KCTD1: variants seen among roughly 807,000 people sequenced by gnomAD.
The protein encoded by KCTD1 is potassium channel tetramerization domain containing 1, also known as BTB/POZ domain-containing protein KCTD1.
Under a neutral mutation model 66.0 loss-of-function variants are expected in KCTD1, and 24 were observed. The observed-to-expected ratio is 0.36, with a 90% CI of 0.26 to 0.51. The LOEUF (loss-of-function observed/expected upper bound fraction) is 0.51, where lower values mean the gene tolerates loss of function less well. KCTD1 is among the 20% of genes least tolerant of loss of function. The pLI is 0.95. For synonymous variants in KCTD1, 511 were observed against 517.2 expected, an observed-to-expected ratio of 0.99 and a Z score of 0.16; for missense variants, 943 against 1,205.2, an observed-to-expected ratio of 0.78 and a Z score of 3.22.
chr18:26,460,668 A>G (rs1396701089), intron 3 of KCTD1: 2 of 152,246 alleles, frequency 1.3e-5, no homozygotes, highest in East Asian at 1.9e-4. Context: ...AAGATGTGCA[A>G]TAAAGAAAAC....
chr18:26,647,657 A>G (rs1987955889), intron 1 of KCTD1, among the ~76,000 whole-genome samples: 1 of 151,432 alleles, frequency 6.6e-6, no homozygotes, highest in South Asian at 2.1e-4. Flanking sequence ...CTTAGACTCC[A>G]GATCCTAAAA....
At position 26,478,501 on chromosome 18, in the gene KCTD1, A is replaced by G. The variant is rs569602199; in HGVS notation, c.1989-1842T>C. On this transcript the variant is annotated intron_variant, in intron 2 of 4. Transcript: ENST00000580059. ...AAATCCAAGCACCTATACCGAAATA[A>G]GTCAGTATCAGTGATCTTGTCACTT... Among the ~76,000 whole-genome samples, 12 of 152,370 alleles carry G rather than the reference A, an allele frequency of 7.9e-5. No homozygotes were observed. The South Asian group carries it at 2.5e-3, about 32-fold the overall frequency.
At chr18:26,497,316 G>A (rs183610957) in intron 2 of KCTD1, among the ~76,000 whole-genome samples, 2 of 152,228 alleles carry the variant, frequency 1.3e-5, no homozygotes, top group African/African-American at 4.8e-5. Flanking sequence ...AGAGGTAGGT[G>A]AGGGTGGAAC....
chr18:26,530,609 G>A (rs1984389881), intron 1 of KCTD1, among the ~76,000 whole-genome samples: 1 of 152,190 alleles, frequency 6.6e-6, no homozygotes, highest in African/African-American at 2.4e-5. Context: ...GATTTATTTT[G>A]GGTGTATGTG....
chr18:26,630,676 T>C (rs887587761), upstream of KCTD1, among the ~76,000 whole-genome samples: 1 of 152,204 alleles, frequency 6.6e-6, no homozygotes, highest in Non-Finnish European at 1.5e-5. Context: ...GGAAAGTATG[T>C]ATAAAGTATT....
chr18:26,458,856 C>G (rs753174005), intron 4 of KCTD1: 1 of 152,262 alleles, frequency 6.6e-6, no homozygotes, highest in Non-Finnish European at 1.5e-5. Context: ...GCTGCCTGGT[C>G]TCCTTGTTTC....
chr18:26,595,219 C>G, intron 1 of KCTD1, among the ~76,000 whole-genome samples: 1 of 152,188 alleles, frequency 6.6e-6, no homozygotes, highest in East Asian at 1.9e-4. Flanking sequence ...CTACCCCATT[C>G]CTGTGATAGG....
chr18:26,614,148 T>A (rs1987196436), intron 1 of KCTD1, among the ~76,000 whole-genome samples: 1 of 152,260 alleles, frequency 6.6e-6, no homozygotes, highest in South Asian at 2.1e-4. Context: ...CTTCTCCTAG[T>A]CTAGTGTCTA....
chr18:26,549,538 C>T, upstream of KCTD1: 1 of 871,434 alleles, frequency 1.1e-6, no homozygotes, highest in Non-Finnish European at 1.4e-6. Context: ...GGGACCCTTC[C>T]CCACCCGCCC....
chr18:26,579,761 A>C (rs1598950446), intron 1 of KCTD1, among the ~76,000 whole-genome samples: 1 of 152,222 alleles, frequency 6.6e-6, no homozygotes, highest in African/African-American at 2.4e-5. Flanking sequence ...GGGAACAATA[A>C]GTGGCATTTA....
upstream of KCTD1, among the ~76,000 whole-genome samples, chr18:26,553,453 G>C (rs1412284256): frequency 3.3e-5 from 5 of 152,146 alleles, no homozygotes; most frequent in African/African-American, 1.2e-4. Flanking sequence ...TTTTAGCAGA[G>C]TGACTGGCAC....
intron 1 of KCTD1, among the ~76,000 whole-genome samples, chr18:26,610,609 G>A (rs944143371): frequency 5.4e-5 from 8 of 146,968 alleles, no homozygotes; most frequent in African/African-American, 2.0e-4. Context: ...AAGGAAGGAA[G>A]GAAGGAATGA....
upstream of KCTD1, among the ~76,000 whole-genome samples, chr18:26,644,235 G>A (rs1987890531): frequency 6.6e-6 from 1 of 152,102 alleles, no homozygotes. Context: ...AATGGCAGCA[G>A]GAAGAATTAT....
intron 1 of KCTD1, among the ~76,000 whole-genome samples, chr18:26,535,471 A>G (rs886929495): frequency 2.6e-5 from 4 of 151,872 alleles, no homozygotes; most frequent in Non-Finnish European, 5.9e-5. Context: ...TTGTATTTTA[A>G]AAAAAGTCCG....
chr18:26,574,242 C>T (rs1303447134), intron 1 of KCTD1, among the ~76,000 whole-genome samples: 1 of 152,220 alleles, frequency 6.6e-6, no homozygotes, highest in Non-Finnish European at 1.5e-5. Context: ...ACACATTCTC[C>T]TCTTTTATAA....
rs931021466 is a variant in KCTD1, at chr18:26,455,464, G to A, written c.*279C>T. 2.6e-4 allele frequency: 47 copies of A among 182,108 alleles called. No homozygotes were observed. The highest frequency in any genetic ancestry group is 5.1e-4 in the South Asian group (3 of 5,850). 11.3% of individuals were successfully genotyped at this position (182,108 alleles called of 1,614,324 possible). On this transcript the variant is annotated 3_prime_UTR_variant, in exon 5 of 5. Transcript: ENST00000580059. ...CCCAGGACACTTCACGGCCATCACA[G>A]CACCAACTGCGGCTGTCACCTTTTT...
intron 1 of KCTD1, among the ~76,000 whole-genome samples, chr18:26,596,094 T>C (rs185579854): frequency 1.0e-3 from 152 of 152,228 alleles, no homozygotes; most frequent in African/African-American, 3.6e-3. Context: ...TAATCCTAAT[T>C]GTAATGGACT....
intron 3 of KCTD1, among the ~76,000 whole-genome samples, chr18:26,475,695 AT>A (rs1473500939): frequency 6.6e-6 from 1 of 152,046 alleles, no homozygotes; most frequent in East Asian, 1.9e-4. Context: ...TACTAAAAAT[AT>A]GAAAAATTAG....
chr18:26,581,731 T>G (rs1220989530), intron 1 of KCTD1: 1 of 152,144 alleles, frequency 6.6e-6, no homozygotes, highest in Non-Finnish European at 1.5e-5. Flanking sequence ...ACCTCATCTC[T>G]AGATAAATAA....
Sources: allele counts gnomAD v4.1 joint callset (sites outside exome capture counted in the v4.1 genomes callset), GRCh38; gene constraint gnomAD v4.1.1; transcripts MANE v1.5; gene names NCBI Gene and HGNC (gene_info 2026-07-23, HGNC 2026-07-21).